Variants in PLXND1 observed in about 807,000 individuals in gnomAD.
PLXND1 encodes the protein plexin-D1.
A neutral mutation model predicts 197.7 loss-of-function variants in PLXND1; 54 were observed. The ratio of observed to expected loss-of-function variants is 0.27; its 90% CI spans 0.22 to 0.34. The LOEUF is 0.34. PLXND1 is among the 10% of genes least tolerant of loss of function. PLXND1 has a pLI of 1.00. For missense variants in PLXND1, 2,127 were observed against 2,699.2 expected (o/e 0.79, Z 4.70); for synonymous variants, 1,180 against 1,161.2 (o/e 1.02, Z -0.33).
At chr3:129,586,412 G>A (rs1648408284) in intron 3 of PLXND1, 140 bp from the exon 4 acceptor site, 2 of 1,040,750 alleles carry the variant, frequency 1.9e-6, no homozygotes, top group East Asian at 2.6e-5. Flanking sequence ...TGGGAGACAA[G>A]GCTTCCCTGC....
chr3:129,584,025 G>A (rs2085421887), intron 7 of PLXND1, 100 bp downstream of exon 7: 5 of 739,940 alleles, frequency 6.8e-6, no homozygotes, highest in Non-Finnish European at 1.2e-5. Flanking sequence ...CCTCTACGAT[G>A]CTATGATTTT....
At chr3:129,565,798 C>T (rs2085131283) in intron 24 of PLXND1, 89 bp downstream of exon 24, 1 of 1,402,612 alleles carries the variant, frequency 7.1e-7, no homozygotes, top group East Asian at 2.4e-5. Flanking sequence ...GTGTCAAGAG[C>T]CCCAGAGCCC....
At chr3:129,563,343 GTCTC>G in intron 25 of PLXND1, 103 bp from the exon 26 acceptor site, 1 of 928,954 alleles carries the variant, frequency 1.1e-6, no homozygotes, top group Non-Finnish European at 1.6e-6. Flanking sequence ...CCCTCCAACA[GTCTC>G]CTTTTGGATC....
At chr3:129,580,714 G>A (rs1455299415) in intron 8 of PLXND1, among the ~76,000 whole-genome samples, 4 of 151,982 alleles carry the variant, frequency 2.6e-5, no homozygotes, top group Admixed American at 6.5e-5. Flanking sequence ...AGGAGTCCTC[G>A]TGGCTCTCAC....
intron 2 of PLXND1, among the ~76,000 whole-genome samples, chr3:129,587,786 C>G (rs1429353356): frequency 6.6e-6 from 1 of 152,256 alleles, no homozygotes; most frequent in Non-Finnish European, 1.5e-5. Context: ...CTATGCTGTG[C>G]TCTCCTCTGG....
At chr3:129,591,317 G>A (rs1352836275) in intron 1 of PLXND1, 1 of 152,290 alleles carries the variant, frequency 6.6e-6, no homozygotes, top group Non-Finnish European at 1.5e-5. Flanking sequence ...TAGAGGCTGG[G>A]ATGAATCATT....
chr3:129,589,310 T>TTCCACCCCCCCCCCCCCCCC, intron 2 of PLXND1, 41 bp downstream of exon 2: 2 of 501,290 alleles, frequency 4.0e-6, no homozygotes, highest in Non-Finnish European at 7.6e-6. Flanking sequence ...CAGGGGAGCC[T>TTCCACCCCCCCCCCCCCCCC]CCCACCCCCA....
chr3:129,606,488 C>T lies in PLXND1; in HGVS notation c.152G>A (p.Arg51His), dbSNP rs1560088770. The change falls in exon 1 of 36, where the codon CGT becomes CAT. Residue 51 changes from arginine to histidine, a missense_variant. Around this residue, in one of 6 missense-constraint regions of PLXND1, gnomAD observed 245 missense variants for 267.1 expected, o/e 0.92. Coordinates refer to ENST00000324093, the MANE Select transcript of PLXND1 (RefSeq NM_015103.3). Reference protein sequence around the residue: ...AARAGALEIQRRFPSPTPTNN... With the variant: ...AARAGALEIQHRFPSPTPTNN... ...GGTGGGCGTGGGCGAGGGGAACCGA[C>T]GCTGGATCTCCAGGGCGCCGGCCCG... The T allele has an allele frequency of 9.8e-6, 14 of 1,422,876 alleles. No homozygotes were observed. Among genetic ancestry groups the T allele is most frequent in the African/African-American group, 7.5e-5 (5 of 66,996 alleles). The allele number at this position is 1,422,876 out of a possible 1,614,324, so 88.1% of individuals were successfully genotyped here. A position where few individuals can be genotyped will look rare whatever the true frequency, so the allele number is the denominator to read the frequency against.
chr3:129,601,215 G>A (rs1023469731), intron 1 of PLXND1, among the ~76,000 whole-genome samples: 12 of 152,172 alleles, frequency 7.9e-5, no homozygotes, highest in African/African-American at 2.9e-4. Flanking sequence ...TATCTTAACT[G>A]CCCCAAATAC....
chr3:129,596,365 A>AAGCAGCCATTGTTTAGTT (rs1279773720), intron 1 of PLXND1, among the ~76,000 whole-genome samples: 1 of 152,084 alleles, frequency 6.6e-6, no homozygotes, highest in African/African-American at 2.4e-5. Context: ...TCGCTGACTC[A>AAGCAGCCATTGTTTAGTT]AGCAGCCATT....
chr3:129,555,726 G>A lies in PLXND1; in HGVS notation c.*586C>T. 1 of 511,760 alleles carries A rather than the reference G, an allele frequency of 2.0e-6. No individual in the cohort carries two copies. Among genetic ancestry groups the A allele is most frequent in the South Asian group, 2.9e-5 (1 of 34,094 alleles). The allele number at this position is 511,760 out of a possible 1,614,324, so 31.7% of individuals were successfully genotyped here. A position where few individuals can be genotyped will look rare whatever the true frequency, so the allele number is the denominator to read the frequency against. ...GGAGAAGCCCACAGAGCACCCCATG[G>A]CGCGGGCACTGCCCACTCTACCAAC... is the stretch of plus-strand genomic sequence containing the variant. On this transcript the variant is annotated 3_prime_UTR_variant, in exon 36 of 36. Coordinates refer to ENST00000324093, the MANE Select transcript of PLXND1 (RefSeq NM_015103.3).
chr3:129,578,720 G>A (rs915298110), intron 8 of PLXND1, among the ~76,000 whole-genome samples: 1 of 152,152 alleles, frequency 6.6e-6, no homozygotes, highest in Non-Finnish European at 1.5e-5. Context: ...GTGCTCCCTG[G>A]CCTCAGACGA....
In PLXND1 at chr3:129,556,502, T is replaced by C; in HGVS notation, c.5662-74A>G. On this transcript the variant is annotated intron_variant, in intron 35 of 35. Transcript: ENST00000324093. Reference sequence around the variant, plus strand: ...CAGTTCGTGGGAGAGAACACACCCCTGAACGTCTACCACGAGTGACATCCG... The same window carrying C: ...CAGTTCGTGGGAGAGAACACACCCCCGAACGTCTACCACGAGTGACATCCG... 6.6e-6 allele frequency: 9 copies of C among 1,363,468 alleles called. No homozygotes were observed. In the Middle Eastern group the frequency reaches 1.5e-3, roughly 227 times the overall value. The allele number at this position is 1,363,468 out of a possible 1,614,324, so 84.5% of individuals were successfully genotyped here. A position where few individuals can be genotyped will look rare whatever the true frequency, so the allele number is the denominator to read the frequency against.
chr3:129,606,462 T>C lies in PLXND1; in HGVS notation c.178A>G (p.Asn60Asp). The stretch of plus-strand genomic sequence containing the variant: ...GCCGCGCCGTCCAGGGCGAAGTTGT[T>C]GGTGGGCGTGGGCGAGGGGAACCGA... ...QRRFPSPTPT[N>D]NFALDGAAGT... Residue 60 changes from asparagine (N) to aspartate (D), a missense_variant, in exon 1 of 36, where the codon AAC becomes GAC. Coordinates refer to ENST00000324093, the MANE Select transcript of PLXND1 (RefSeq NM_015103.3). The C allele has an allele frequency of 1.4e-6, 2 of 1,445,030 alleles. No homozygotes were observed. The highest frequency in any genetic ancestry group is 1.8e-6 in the Non-Finnish European group (2 of 1,103,832). 89.5% of individuals were successfully genotyped at this position (1,445,030 alleles called of 1,614,324 possible).
intron 10 of PLXND1, 89 bp downstream of exon 10, chr3:129,575,677 G>A (rs891582186): frequency 3.3e-5 from 40 of 1,217,986 alleles, no homozygotes; most frequent in African/African-American, 4.5e-5. Flanking sequence ...GGAACCAGAA[G>A]GTAGAGAGAG....
At chr3:129,566,475 G>A (rs1020297754) in intron 23 of PLXND1, 52 bp downstream of exon 23, 1 of 1,075,188 alleles carries the variant, frequency 9.3e-7, no homozygotes, top group Non-Finnish European at 1.5e-6. Context: ...ACCCAGGGGG[G>A]AGCAGGGTTG....
chr3:129,586,338 G>C, intron 3 of PLXND1, 66 bp from the exon 4 acceptor site: 1 of 1,278,522 alleles, frequency 7.8e-7, no homozygotes, highest in Non-Finnish European at 1.1e-6. Context: ...AGGTGGTACG[G>C]TCAGCATGGT....
Position 129,586,287 on chromosome 3 carries a change from G to T in PLXND1, c.1621-15C>A. The T allele has an allele frequency of 6.5e-7, 1 of 1,544,114 alleles. No individual in the cohort carries two copies. Among genetic ancestry groups the T allele is most frequent in the Non-Finnish European group, 8.7e-7 (1 of 1,146,402 alleles). On this transcript the variant is annotated splice_polypyrimidine_tract_variant and intron_variant, in intron 3 of 35. Transcript: ENST00000324093. Reference sequence around the variant, plus strand: ...ACCCTGGCCATCTGGGGGCAGAGGTGGGGGCCCAGCTCAATGGGACTGCCA... The same window carrying T: ...ACCCTGGCCATCTGGGGGCAGAGGTTGGGGCCCAGCTCAATGGGACTGCCA...
intron 1 of PLXND1, among the ~76,000 whole-genome samples, chr3:129,592,039 A>G (rs1009835057): frequency 6.6e-6 from 1 of 152,058 alleles, no homozygotes; most frequent in Non-Finnish European, 1.5e-5. Flanking sequence ...TGCCTCAAAT[A>G]TCACAAGCTC....
Sources: gnomAD v4.1 joint callset for allele counts (sites outside exome capture counted in the v4.1 genomes callset) on GRCh38, gnomAD v4.1.1 for gene constraint, gnomAD v4.1.1 regional missense constraint, MANE v1.5 for transcripts, NCBI Gene and HGNC (gene_info 2026-07-23, HGNC 2026-07-21) for gene names.